FAAH2: variants seen among roughly 807,000 people sequenced by gnomAD.
FAAH2 encodes the protein fatty acid amide hydrolase 2.
Under a neutral mutation model 36.9 loss-of-function variants are expected in FAAH2, and 60 were observed. The observed-to-expected ratio is 1.63, with a 90% confidence interval of 1.32 to 2.02. The LOEUF (loss-of-function observed/expected upper bound fraction) is 2.02, where lower values mean the gene tolerates loss of function less well. Ranked by LOEUF, FAAH2 falls within the 30% of genes most tolerant of loss-of-function variation. FAAH2 has a pLI of 0.00. For missense variants in FAAH2, 689 were observed against 397.5 expected (o/e 1.73, Z -6.23); for synonymous variants, 214 against 143.8 (o/e 1.49, Z -3.49).
At position 57,332,939 on chromosome X, in the gene FAAH2, C is replaced by G. The variant is rs765669249; in HGVS notation, c.622+1132C>G. 2.7e-4 allele frequency among the ~76,000 whole-genome samples: 30 copies of G among 111,272 alleles called. No individual in the cohort carries two copies. In the East Asian group the frequency reaches 7.9e-3, roughly 29 times the overall value. On this transcript the variant is annotated intron_variant, in intron 4 of 10. Coordinates refer to ENST00000374900, the MANE Select transcript of FAAH2 (RefSeq NM_174912.4). ...AAATGAAATATCCAACTCCAGTCCT[C>G]TCTAGGTTTCCTGTCCTACTGAAGG...
intron 5 of FAAH2, among the ~76,000 whole-genome samples, chrX:57,350,955 C>T (rs2053983353): frequency 9.0e-6 from 1 of 111,305 alleles, no homozygotes; most frequent in Admixed American, 9.5e-5. Context: ...CAACAAAGAA[C>T]ATTTGTTGTA....
At chrX:57,135,884 C>T in the FAAH2 span, 12 of 1,207,830 alleles carry the variant, frequency 9.9e-6, no homozygotes, top group Non-Finnish European at 1.3e-5. Context: ...TGATGAAATA[C>T]ACAGAGGGTT....
In FAAH2 at chrX:57,488,757, G is replaced by A. The variant is rs1311683353; in HGVS notation, c.1424G>A (p.Gly475Asp). The change falls in exon 11 of 11, where the codon GGT (glycine) becomes GAT (aspartate). Residue 475 changes from glycine (G) to aspartate (D), a missense_variant and splice_region_variant. Transcript: ENST00000374900. ...LTRPFNFAYT[G>D]VFSALGLPVT... ...CACTTATTTTGTTTGTTTTCTTCAG[G>A]TGTCTTCAGTGCCCTGGGTTTGCCT... The A allele has an allele frequency of 2.5e-6, 3 of 1,206,314 alleles. No individual in the cohort carries two copies. The highest frequency in any genetic ancestry group is 3.4e-6 in the Non-Finnish European group (3 of 893,979).
chrX:57,393,863 A>T (rs140091652), intron 7 of FAAH2: 28 of 997,558 alleles, frequency 2.8e-5, no homozygotes, highest in Non-Finnish European at 4.0e-5. Context: ...TTGCCAAGCT[A>T]TGGTTTCTGG....
chrX:57,484,220 G>A (rs1265093352), intron 10 of FAAH2, among the ~76,000 whole-genome samples: 1 of 111,142 alleles, frequency 9.0e-6, no homozygotes, highest in East Asian at 2.9e-4. Context: ...GTTGTTTCAG[G>A]TAATGAGCTA....
At chrX:57,369,260 G>A (rs1250549996) in intron 5 of FAAH2, among the ~76,000 whole-genome samples, 2 of 111,022 alleles carry the variant, frequency 1.8e-5, no homozygotes. Flanking sequence ...ACAAACTTCT[G>A]CATTCTAGAG....
At chrX:57,143,003 CA>C in the FAAH2 span, among the ~76,000 whole-genome samples, 1 of 111,088 alleles carries the variant, frequency 9.0e-6, no homozygotes, top group African/African-American at 3.3e-5. Context: ...ATGTCTTTAT[CA>C]GTAAAATTAG....
the FAAH2 span, among the ~76,000 whole-genome samples, chrX:57,275,439 A>T: frequency 8.9e-6 from 1 of 112,200 alleles, no homozygotes; most frequent in Non-Finnish European, 1.9e-5. Flanking sequence ...AAACATGGAA[A>T]AAGACAACCA....
intron 2 of FAAH2, among the ~76,000 whole-genome samples, chrX:57,300,096 G>T (rs1230298176): frequency 3.6e-5 from 4 of 111,279 alleles, no homozygotes; most frequent in Non-Finnish European, 5.7e-5. Context: ...CACAGAATTG[G>T]AAAAAACTAC....
At chrX:57,444,781 G>T (rs1602689862) in intron 8 of FAAH2, among the ~76,000 whole-genome samples, 1 of 111,908 alleles carries the variant, frequency 8.9e-6, no homozygotes, top group African/African-American at 3.2e-5. Flanking sequence ...GTTTAATAAT[G>T]CATTTGAGAG....
chrX:57,241,986 T>C, the FAAH2 span, among the ~76,000 whole-genome samples: 2 of 111,352 alleles, frequency 1.8e-5, no homozygotes, highest in Non-Finnish European at 3.8e-5. Flanking sequence ...ACAGAACACC[T>C]GGGGGAAGGG....
At chrX:57,307,902 G>T (rs1302430257) in intron 2 of FAAH2, among the ~76,000 whole-genome samples, 2 of 59,804 alleles carry the variant, frequency 3.3e-5, no homozygotes, top group Non-Finnish European at 6.9e-5. Context: ...TGGTTTTTGT[G>T]CCTGTGTTAA....
intron 3 of FAAH2, among the ~76,000 whole-genome samples, chrX:57,318,453 C>G (rs1233671856): frequency 9.0e-6 from 1 of 111,245 alleles, no homozygotes; most frequent in Non-Finnish European, 1.9e-5. Context: ...TAAATCCTCC[C>G]AAGTCTAAAG....
At chrX:57,317,689 C>T (rs1294351179) in intron 3 of FAAH2, among the ~76,000 whole-genome samples, 1 of 111,784 alleles carries the variant, frequency 8.9e-6, no homozygotes, top group Non-Finnish European at 1.9e-5. Flanking sequence ...ACAGAACTCT[C>T]CACCCCAAAT....
chrX:57,331,367 C>A (rs936709262), intron 3 of FAAH2, among the ~76,000 whole-genome samples: 3 of 110,620 alleles, frequency 2.7e-5, no homozygotes, highest in Admixed American at 9.7e-5. Context: ...TAGCCCTGTG[C>A]AGGGTTCCCA....
the FAAH2 span, among the ~76,000 whole-genome samples, chrX:57,224,583 A>G: frequency 8.9e-6 from 1 of 111,756 alleles, no homozygotes; most frequent in Admixed American, 9.4e-5. Context: ...AGAAGCATGA[A>G]AAGGGCCGGC....
chrX:57,314,034 A>T (rs145509409), intron 3 of FAAH2, among the ~76,000 whole-genome samples: 140 of 112,017 alleles, frequency 1.2e-3, no homozygotes, highest in East Asian at 9.2e-3. Context: ...AAGTGAAAGG[A>T]TGTAGGAAGA....
chrX:57,402,983 A>ATTATAT (rs2055476107), intron 7 of FAAH2, among the ~76,000 whole-genome samples: 1 of 112,237 alleles, frequency 8.9e-6, no homozygotes, highest in South Asian at 3.7e-4. Context: ...CTGATCTAGC[A>ATTATAT]GTAACATTAT....
At chrX:57,135,733 G>C in the FAAH2 span, 3 of 1,159,937 alleles carry the variant, frequency 2.6e-6, no homozygotes, top group Admixed American at 7.5e-5. Context: ...GATTCCATAA[G>C]CTTTCAGTAC....
Sources: gnomAD v4.1 joint callset for allele counts (sites outside exome capture counted in the v4.1 genomes callset) on GRCh38, gnomAD v4.1.1 for gene constraint, MANE v1.5 for transcripts, NCBI Gene and HGNC (gene_info 2026-07-23, HGNC 2026-07-21) for gene names.